Variants in CHRM3 observed in about 807,000 individuals in gnomAD.
CHRM3 encodes muscarinic acetylcholine receptor M3.
Under a neutral mutation model 41.8 loss-of-function variants are expected in CHRM3, and 11 were observed. The observed-to-expected ratio is 0.26, with a 90% CI of 0.17 to 0.44. The LOEUF is 0.44. Ranked by LOEUF, CHRM3 falls within the 20% of genes least tolerant of loss-of-function variation. The pLI, the probability that CHRM3 is intolerant of heterozygous loss-of-function variation, is 1.00. For missense variants in CHRM3, 571 were observed against 745.4 expected, an observed-to-expected ratio of 0.77 and a Z score of 2.72; for synonymous variants, 297 against 301.4, an observed-to-expected ratio of 0.99 and a Z score of 0.15.
intron 5 of CHRM3, among the ~76,000 whole-genome samples, chr1:239,761,788 A>G (rs1181996143): frequency 1.3e-5 from 2 of 152,158 alleles, no homozygotes; most frequent in African/African-American, 4.8e-5. Flanking sequence ...TGGATTTCTC[A>G]CACGCTCACA....
At chr1:239,588,819 G>A (rs1370334625) in intron 3 of CHRM3, among the ~76,000 whole-genome samples, 1 of 152,056 alleles carries the variant, frequency 6.6e-6, no homozygotes. Flanking sequence ...AGAAATACAT[G>A]TATATATTTC....
chr1:239,485,097 G>A (rs941122939), intron 1 of CHRM3, among the ~76,000 whole-genome samples: 1 of 152,122 alleles, frequency 6.6e-6, no homozygotes, highest in African/African-American at 2.4e-5. Flanking sequence ...TGAGGGAACA[G>A]AAACTATTTC....
chr1:239,520,660 G>A, intron 2 of CHRM3, among the ~76,000 whole-genome samples: 1 of 152,122 alleles, frequency 6.6e-6, no homozygotes, highest in Non-Finnish European at 1.5e-5. Flanking sequence ...TTGCAATGCA[G>A]GAACAGCCCA....
chr1:239,658,826 C>T (rs997520783), intron 4 of CHRM3, among the ~76,000 whole-genome samples: 7 of 151,926 alleles, frequency 4.6e-5, no homozygotes, highest in African/African-American at 1.7e-4. Context: ...GCAACCTCCA[C>T]CTCCCGGGTT....
intron 3 of CHRM3, among the ~76,000 whole-genome samples, chr1:239,612,075 T>C (rs1258916294): frequency 2.0e-5 from 3 of 152,198 alleles, no homozygotes; most frequent in Admixed American, 6.5e-5. Context: ...TCCCCATGAA[T>C]CTGGCAATCT....
At chr1:239,760,685 C>T (rs564303603) in intron 5 of CHRM3, among the ~76,000 whole-genome samples, 66 of 152,246 alleles carry the variant, frequency 4.3e-4, no homozygotes, top group South Asian at 3.9e-3. Flanking sequence ...TTAAAGGGGC[C>T]GCTCTGCTCA....
intron 6 of CHRM3, among the ~76,000 whole-genome samples, chr1:239,867,177 G>A (rs1676182723): frequency 6.6e-6 from 1 of 152,194 alleles, no homozygotes; most frequent in South Asian, 2.1e-4. Flanking sequence ...TCAAAACCAA[G>A]TAGAATTATA....
intron 5 of CHRM3, among the ~76,000 whole-genome samples, chr1:239,822,523 C>T (rs997310664): frequency 1.3e-5 from 2 of 152,014 alleles, no homozygotes; most frequent in Non-Finnish European, 2.9e-5. Flanking sequence ...TCTACATAAA[C>T]CAAATCAATA....
In CHRM3 at chr1:239,816,732, C is replaced by CTTT. The variant is rs11309320; in HGVS notation, c.-146-10505_-146-10503dup. Among the ~76,000 whole-genome samples the CTTT allele has an allele frequency of 9.2e-3, 1,207 of 131,498 alleles. 21 individuals carry two copies. Among genetic ancestry groups the CTTT allele is most frequent in the Non-Finnish European group, 0.011 (695 of 61,928 alleles). 86.3% of individuals were successfully genotyped at this position (131,498 alleles called of 152,430 possible). A position where few individuals can be genotyped will look rare whatever the true frequency, so the allele number is the denominator to read the frequency against. ...ATATCCAGCCTGTCTGTGCCTCAGT[C>CTTT]TTTTTTTTTTTTTTTTTGAGAGGGA... On this transcript the variant is annotated intron_variant, in intron 5 of 6. Transcript: ENST00000676153.
chr1:239,489,243 C>T (rs964849414), intron 1 of CHRM3, among the ~76,000 whole-genome samples: 1 of 152,018 alleles, frequency 6.6e-6, no homozygotes, highest in East Asian at 1.9e-4. Context: ...GAAACCCTGT[C>T]GCTACTAAAA....
At chr1:239,392,011 G>A (rs770218027) in intron 1 of CHRM3, among the ~76,000 whole-genome samples, 1 of 152,028 alleles carries the variant, frequency 6.6e-6, no homozygotes, top group Non-Finnish European at 1.5e-5. Flanking sequence ...TTACCATTTC[G>A]TAGGACTAGG....
intron 5 of CHRM3, among the ~76,000 whole-genome samples, chr1:239,728,928 T>G (rs1231631723): frequency 6.6e-6 from 1 of 151,946 alleles, no homozygotes; most frequent in East Asian, 1.9e-4. Flanking sequence ...GATCAGCAGT[T>G]CTCTAAGTGT....
chr1:239,439,599 A>T (rs946846906), intron 1 of CHRM3, among the ~76,000 whole-genome samples: 12 of 152,194 alleles, frequency 7.9e-5, no homozygotes, highest in Non-Finnish European at 2.9e-5. Context: ...TTCTTGGAAT[A>T]ATGGAGAAAG....
intron 3 of CHRM3, among the ~76,000 whole-genome samples, chr1:239,585,693 A>G (rs1160176385): frequency 2.6e-5 from 4 of 152,218 alleles, no homozygotes; most frequent in African/African-American, 4.8e-5. Context: ...GTAAAAGTCA[A>G]TGGACATTTG....
intron 2 of CHRM3, among the ~76,000 whole-genome samples, chr1:239,524,002 G>A (rs749280551): frequency 2.6e-4 from 40 of 152,080 alleles, no homozygotes; most frequent in African/African-American, 8.5e-4. Flanking sequence ...AAACTGACAG[G>A]CAAGGGATGC....
chr1:239,651,109 A>G lies in CHRM3; in HGVS notation c.-250+18823A>G, dbSNP rs546606153. On this transcript the variant is annotated intron_variant, in intron 4 of 6. Transcript: ENST00000676153. The stretch of plus-strand genomic sequence containing the variant: ...ATGGATGAATGAATGAATCAAACCC[A>G]TATTTGCAGCTTGTGTAACTTACGT... Among the ~76,000 whole-genome samples the G allele has an allele frequency of 4.7e-3, 710 of 152,340 alleles. 8 individuals are homozygous for G. The highest frequency in any genetic ancestry group is 0.017 in the African/African-American group (687 of 41,568).
intron 5 of CHRM3, among the ~76,000 whole-genome samples, chr1:239,796,462 G>A (rs1669779307): frequency 6.6e-6 from 1 of 152,128 alleles, no homozygotes; most frequent in Admixed American, 6.5e-5. Context: ...TCGTTTCAGT[G>A]TAACTTATCA....
intron 5 of CHRM3, among the ~76,000 whole-genome samples, chr1:239,715,944 A>G (rs1226125559): frequency 6.6e-6 from 1 of 152,114 alleles, no homozygotes; most frequent in East Asian, 1.9e-4. Flanking sequence ...AGTCCTAGTG[A>G]TGTTGAAGAC....
At chr1:239,563,301 G>T (rs949372492) in intron 3 of CHRM3, among the ~76,000 whole-genome samples, 4 of 151,838 alleles carry the variant, frequency 2.6e-5, no homozygotes, top group African/African-American at 9.7e-5. Flanking sequence ...CACAGAAATG[G>T]TTTACCCCAA....
Sources: allele counts gnomAD v4.1 joint callset (sites outside exome capture counted in the v4.1 genomes callset), GRCh38; gene constraint gnomAD v4.1.1; transcripts MANE v1.5; gene names NCBI Gene and HGNC (gene_info 2026-07-23, HGNC 2026-07-21).